COLEC10: variants seen among roughly 807,000 people sequenced by gnomAD.
COLEC10 encodes the protein collectin subfamily member 10, also known as collectin-10.
COLEC10 carries 22 observed loss-of-function variants against 28.4 expected under a neutral mutation model. That is an observed-to-expected ratio of 0.78 (90% CI 0.55 to 1.11). The LOEUF (loss-of-function observed/expected upper bound fraction) is 1.11. Ranked by LOEUF, COLEC10 falls within the 50% of genes least tolerant of loss-of-function variation. COLEC10 has a pLI of 0.00. For missense variants in COLEC10, 361 were observed against 344.1 expected, an observed-to-expected ratio of 1.05 and a Z score of -0.39; for synonymous variants, 125 against 116.1, an observed-to-expected ratio of 1.08 and a Z score of -0.49.
At chr8:118,996,074 G>C (rs1358460310) in intron 1 of COLEC10, among the ~76,000 whole-genome samples, 2 of 152,056 alleles carry the variant, frequency 1.3e-5, no homozygotes, top group Non-Finnish European at 2.9e-5. Context: ...GGCAACCAGT[G>C]TTCTACTCTC....
intron 2 of COLEC10, among the ~76,000 whole-genome samples, chr8:119,033,016 T>A (rs1260299197): frequency 6.6e-6 from 1 of 152,044 alleles, no homozygotes; most frequent in Non-Finnish European, 1.5e-5. Flanking sequence ...TTTTTCCATC[T>A]CTTTTTTACG....
At chr8:119,021,445 G>T (rs758196028) in intron 2 of COLEC10, among the ~76,000 whole-genome samples, 1 of 152,280 alleles carries the variant, frequency 6.6e-6, no homozygotes, top group African/African-American at 2.4e-5. Flanking sequence ...TTTAGGAGCA[G>T]AGAATGCATG....
intron 3 of COLEC10, among the ~76,000 whole-genome samples, chr8:119,091,823 A>AAGC (rs1815609261): frequency 6.6e-6 from 1 of 152,182 alleles, no homozygotes; most frequent in Non-Finnish European, 1.5e-5. Context: ...AAACAGAATC[A>AAGC]AGCATCAAGG....
rs1363203988 is a variant in COLEC10 at position 119,067,277 on chromosome 8, C to T, written c.-5C>T. 3.7e-6 allele frequency: 6 copies of T among 1,613,222 alleles called. No homozygotes were observed. In the East Asian group the frequency reaches 1.3e-4, roughly 36 times the overall value. On this transcript the variant is annotated 5_prime_UTR_variant, in exon 1 of 6. Transcript: ENST00000332843. ...TGGGAGACCCTTTTCTGAGGAACCA[C>T]AGCAATGAATGGCTTTGCATCCTTG...
chr8:119,029,049 G>A (rs1814242477), intron 2 of COLEC10, among the ~76,000 whole-genome samples: 1 of 152,152 alleles, frequency 6.6e-6, no homozygotes, highest in Non-Finnish European at 1.5e-5. Context: ...GACAGTCAAT[G>A]GGGTAAGTCC....
At chr8:118,970,812 T>C in the COLEC10 span, among the ~76,000 whole-genome samples, 1 of 151,998 alleles carries the variant, frequency 6.6e-6, no homozygotes, top group African/African-American at 2.4e-5. Flanking sequence ...ATAAGGAACA[T>C]GAGGCTCAAA....
chr8:118,989,564 C>CACAT, the COLEC10 span, among the ~76,000 whole-genome samples: 925 of 149,778 alleles, frequency 6.2e-3, 13 homozygotes, highest in African/African-American at 0.021. Context: ...CACACACACA[C>CACAT]ACACACACAC....
chr8:119,010,744 T>C (rs540760694), intron 2 of COLEC10, among the ~76,000 whole-genome samples: 32 of 151,308 alleles, frequency 2.1e-4, no homozygotes, highest in South Asian at 8.3e-4. Flanking sequence ...TCCATTTATT[T>C]GATGACATAT....
chr8:119,102,876 C>T (rs942239101), intron 4 of COLEC10, among the ~76,000 whole-genome samples: 5 of 152,154 alleles, frequency 3.3e-5, no homozygotes. Context: ...CAGTGCTTTA[C>T]ACAGGGAAAG....
chr8:118,959,827 T>A, the COLEC10 span, among the ~76,000 whole-genome samples: 1 of 152,230 alleles, frequency 6.6e-6, no homozygotes. Context: ...GCTATTCATG[T>A]GTCTTCCTTG....
upstream of COLEC10, among the ~76,000 whole-genome samples, chr8:118,991,419 A>T (rs1012556837): frequency 2.0e-5 from 3 of 152,182 alleles, no homozygotes; most frequent in African/African-American, 7.2e-5. Context: ...TATGAAAAAT[A>T]TCTATTAAAA....
chr8:119,021,928 A>T (rs531876349), intron 2 of COLEC10, among the ~76,000 whole-genome samples: 63 of 152,294 alleles, frequency 4.1e-4, no homozygotes, highest in African/African-American at 1.5e-3. Context: ...TGTATATGAA[A>T]CAGGTCAACA....
chr8:118,955,463 A>G, the COLEC10 span, among the ~76,000 whole-genome samples: 1 of 152,302 alleles, frequency 6.6e-6, no homozygotes, highest in African/African-American at 2.4e-5. Context: ...AGTAGTTGCT[A>G]CTTATGGTTC....
At chr8:119,080,361 A>G (rs1006542125) in intron 1 of COLEC10, among the ~76,000 whole-genome samples, 4 of 152,222 alleles carry the variant, frequency 2.6e-5, no homozygotes, top group Non-Finnish European at 5.9e-5. Context: ...TCAAGAGCAA[A>G]GTGTAGAATA....
At chr8:119,055,048 G>C (rs1342231835) in intron 2 of COLEC10, among the ~76,000 whole-genome samples, 1 of 152,050 alleles carries the variant, frequency 6.6e-6, no homozygotes, top group Non-Finnish European at 1.5e-5. Context: ...AAAAGAAACA[G>C]ATTATTTATT....
At chr8:119,007,107 G>C (rs1281045869) in intron 1 of COLEC10, among the ~76,000 whole-genome samples, 1 of 152,044 alleles carries the variant, frequency 6.6e-6, no homozygotes, top group Non-Finnish European at 1.5e-5. Flanking sequence ...GCTGTTTACT[G>C]GTTCATGACT....
At position 119,107,869 on chromosome 8, in the gene COLEC10, A is replaced by G. The variant is rs1815981838; in HGVS notation, c.*1678A>G. On this transcript the variant is annotated 3_prime_UTR_variant, in exon 6 of 6. Transcript: ENST00000332843. ...AAGCTCATATTTTAATATGTTGGCA[A>G]CTAATTAATTTTTAACCCAAATTTT... Among the ~76,000 whole-genome samples the G allele has an allele frequency of 6.6e-6, 1 of 152,230 alleles. No individual in the cohort carries two copies. The highest frequency in any genetic ancestry group is 6.5e-5 in the Admixed American group (1 of 15,268).
At chr8:119,083,251 T>C (rs1409456992) in intron 1 of COLEC10, among the ~76,000 whole-genome samples, 5 of 152,222 alleles carry the variant, frequency 3.3e-5, no homozygotes, top group Non-Finnish European at 7.3e-5. Flanking sequence ...ATGTGGGTTC[T>C]CTCTTAATGG....
chr8:119,077,243 A>ATTTTTTTTTTT (rs762180766), intron 1 of COLEC10, among the ~76,000 whole-genome samples: 5 of 90,292 alleles, frequency 5.5e-5, no homozygotes, highest in Non-Finnish European at 6.4e-5. Flanking sequence ...GTAGAGAATG[A>ATTTTTTTTTTT]TTTTTTTTTT....
Sources: gnomAD v4.1 joint callset for allele counts (sites outside exome capture counted in the v4.1 genomes callset) on GRCh38, gnomAD v4.1.1 for gene constraint, MANE v1.5 for transcripts, NCBI Gene and HGNC (gene_info 2026-07-23, HGNC 2026-07-21) for gene names.